The following NLRP3 variants were observed in gnomAD, a reference collection of about 807,000 sequenced individuals.
NLRP3 encodes the protein NACHT, LRR and PYD domains-containing protein 3.
Under a neutral mutation model 91.3 loss-of-function variants are expected in NLRP3, and 48 were observed. That is an observed-to-expected ratio of 0.53 (90% confidence interval 0.42 to 0.67). The LOEUF (loss-of-function observed/expected upper bound fraction) is 0.67. Ranked by LOEUF, NLRP3 falls within the 30% of genes least tolerant of loss-of-function variation. The pLI, the probability that NLRP3 is intolerant of heterozygous loss-of-function variation, is 0.00. For synonymous variants in NLRP3, 561 were observed against 507.9 expected (o/e 1.10, Z -1.41); for missense variants, 982 against 1,276.9 (o/e 0.77, Z 3.52).
In NLRP3 at chr1:247,418,659, TC is replaced by T. The variant is rs1662220403; in HGVS notation, c.-141del. 1.6e-5 allele frequency: 17 copies of T among 1,052,026 alleles called. No individual in the cohort carries two copies. Among genetic ancestry groups the T allele is most frequent in the Non-Finnish European group, 2.3e-5 (16 of 709,544 alleles). 65.2% of individuals were successfully genotyped at this position (1,052,026 alleles called of 1,614,324 possible). Reference sequence around the variant, plus strand: ...TTGTTACAGTCATGTGACATTTTTTTCTTTCTGTTTGCTGAGTTTTTGATAA... The same window carrying T: ...TTGTTACAGTCATGTGACATTTTTTTTTTCTGTTTGCTGAGTTTTTGATAA... On this transcript the variant is annotated 5_prime_UTR_variant, in exon 2 of 10. Coordinates refer to ENST00000336119, the MANE Select transcript of NLRP3 (RefSeq NM_001243133.2).
chr1:247,423,816 C>T (rs199632094), intron 3 of NLRP3, 31 bp from the exon 4 acceptor site: 82 of 1,600,886 alleles, frequency 5.1e-5, no homozygotes, highest in Non-Finnish European at 6.4e-5. Flanking sequence ...TGTGTGTATA[C>T]TTTCCCCCTA....
intron 6 of NLRP3, among the ~76,000 whole-genome samples, chr1:247,434,996 A>G (rs1012715036): frequency 6.6e-6 from 1 of 152,214 alleles, no homozygotes; most frequent in African/African-American, 2.4e-5. Flanking sequence ...TCACACCTGT[A>G]ATCCCAGCAT....
At chr1:247,417,979 A>G (rs1662174299) in intron 1 of NLRP3, 74 bp from the exon 2 acceptor site, 1 of 152,232 alleles carries the variant, frequency 6.6e-6, no homozygotes, top group South Asian at 2.1e-4. Context: ...TCCCTCACAA[A>G]AACAGAAGCA....
At chr1:247,416,480 G>A (rs1350709919) in intron 1 of NLRP3, among the ~76,000 whole-genome samples, 1 of 152,166 alleles carries the variant, frequency 6.6e-6, no homozygotes, top group African/African-American at 2.4e-5. Flanking sequence ...CCCTCCCAGG[G>A]GAGAAGATGG....
intron 1 of NLRP3, among the ~76,000 whole-genome samples, chr1:247,416,838 T>C (rs1244288125): frequency 6.6e-6 from 1 of 152,144 alleles, no homozygotes; most frequent in Non-Finnish European, 1.5e-5. Flanking sequence ...CATCTTGACA[T>C]TGAACTGCAG....
chr1:247,434,497 G>C lies in NLRP3; in HGVS notation c.2492+224G>C, dbSNP rs572814513. On this transcript the variant is annotated intron_variant, in intron 6 of 9. Coordinates refer to ENST00000336119, the MANE Select transcript of NLRP3 (RefSeq NM_001243133.2). ...CAAGGAGCATAAATAATAACAAAAA[G>C]AAGATGTCTGCCTTTAGGGTGCCTA... Among the ~76,000 whole-genome samples, 3 of 152,260 alleles carry C rather than the reference G, an allele frequency of 2.0e-5. No homozygotes were observed. The South Asian group carries it at 6.2e-4, about 32-fold the overall frequency.
At chr1:247,427,140 C>T (rs138429272) in intron 4 of NLRP3, among the ~76,000 whole-genome samples, 1 of 152,106 alleles carries the variant, frequency 6.6e-6, no homozygotes, top group Non-Finnish European at 1.5e-5. Context: ...GTCGATGGTG[C>T]CTTCTCACTG....
In NLRP3 at chr1:247,425,556, C is replaced by A. The variant is rs35829419; in HGVS notation, c.2107C>A (p.Gln703Lys). 0.043 allele frequency: 69,754 copies of A among 1,611,524 alleles called. 1,736 individuals are homozygous for A. The highest frequency in any genetic ancestry group is 0.056 in the Middle Eastern group (338 of 5,994). ...EKEGRHLDMV[Q>K]CVLPSSSHAA... ...GGAAGGCCGACACCTTGATATGGTG[C>A]AGTGTGTCCTCCCAAGCTCCTCTCA... The change falls in exon 4 of 10, where the codon CAG (glutamine) becomes AAG (lysine). Residue 703 changes from glutamine (Q) to lysine (K), a missense_variant. By Grantham distance (53) the Gln-to-Lys change is moderately conservative (BLOSUM62 1). Coordinates refer to ENST00000336119, the MANE Select transcript of NLRP3 (RefSeq NM_001243133.2). The surrounding 1 kb of genome is among the most constrained non-coding windows in gnomAD (Gnocchi z 4.1).
chr1:247,433,577 T>A (rs1175849329), intron 5 of NLRP3, among the ~76,000 whole-genome samples: 1 of 152,238 alleles, frequency 6.6e-6, no homozygotes, highest in Non-Finnish European at 1.5e-5. Context: ...TGCCTTGTGC[T>A]GTATTCCGGA....
At chr1:247,416,892 C>G (rs1662105390) in intron 1 of NLRP3, among the ~76,000 whole-genome samples, 1 of 152,186 alleles carries the variant, frequency 6.6e-6, no homozygotes, top group African/African-American at 2.4e-5. Flanking sequence ...TTTCCAGGCT[C>G]TCTGCCTCCC....
intron 7 of NLRP3, among the ~76,000 whole-genome samples, chr1:247,440,193 G>A (rs1258039055): frequency 6.6e-6 from 1 of 152,154 alleles, no homozygotes; most frequent in African/African-American, 2.4e-5. Flanking sequence ...GCTGCATATT[G>A]TGTACTGCCT....
chr1:247,440,854 G>A (rs745568803), intron 7 of NLRP3, among the ~76,000 whole-genome samples: 1 of 152,070 alleles, frequency 6.6e-6, no homozygotes, highest in Non-Finnish European at 1.5e-5. Context: ...TGCCTGGAAG[G>A]TTACCCCCAC....
chr1:247,416,606 G>A (rs12079994), intron 1 of NLRP3, among the ~76,000 whole-genome samples: 17,173 of 151,856 alleles, frequency 0.11, 1,405 homozygotes, highest in African/African-American at 0.22. Context: ...GCAGATGGAA[G>A]GACTGATGGG....
intron 7 of NLRP3, 149 bp downstream of exon 7, chr1:247,436,289 G>A: frequency 1.4e-6 from 1 of 726,808 alleles, no homozygotes; most frequent in Non-Finnish European, 2.4e-6. Context: ...AGGACTGGAG[G>A]CATATAATGT....
chr1:247,448,098 C>T (rs889840315), intron 9 of NLRP3, among the ~76,000 whole-genome samples: 2 of 151,744 alleles, frequency 1.3e-5, no homozygotes, highest in African/African-American at 4.8e-5. Context: ...TCTTCAGCCA[C>T]TCCAGGCTGG....
At chr1:247,436,949 T>A (rs1334933351) in intron 7 of NLRP3, among the ~76,000 whole-genome samples, 2 of 152,258 alleles carry the variant, frequency 1.3e-5, no homozygotes, top group East Asian at 3.8e-4. Context: ...GGGTAGGGTA[T>A]CTGTGTCTCC....
intron 4 of NLRP3, 39 bp from the exon 5 acceptor site, chr1:247,429,546 G>A (rs543040621): frequency 6.2e-7 from 1 of 1,610,536 alleles, no homozygotes; most frequent in Non-Finnish European, 8.5e-7. Flanking sequence ...ATTATTCGAG[G>A]CTGATTTCTT....
chr1:247,419,775 A>G (rs1198165685), intron 2 of NLRP3, among the ~76,000 whole-genome samples: 2 of 152,198 alleles, frequency 1.3e-5, no homozygotes, highest in Admixed American at 1.3e-4. Flanking sequence ...AAAAGACTGT[A>G]TAAATACTCC....
intron 9 of NLRP3, among the ~76,000 whole-genome samples, chr1:247,447,095 G>A (rs1050284480): frequency 6.6e-6 from 1 of 152,180 alleles, no homozygotes; most frequent in Admixed American, 6.5e-5. Context: ...CAATCAACCC[G>A]TTTTCTCAGG....
Sources: allele counts gnomAD v4.1 joint callset (sites outside exome capture counted in the v4.1 genomes callset), GRCh38; gene constraint gnomAD v4.1.1; non-coding constraint Gnocchi (gnomAD v3.1); transcripts MANE v1.5; gene names NCBI Gene and HGNC (gene_info 2026-07-23, HGNC 2026-07-21).